LRMDA: variants seen among roughly 807,000 people sequenced by gnomAD.
LRMDA encodes leucine rich melanocyte differentiation associated, also known as leucine-rich melanocyte differentiation-associated protein.
In LRMDA, 18 loss-of-function variants were observed where a neutral mutation model predicts 29.8. The observed-to-expected ratio is 0.60, with a 90% CI of 0.42 to 0.90. LRMDA has a LOEUF of 0.90. Among genes scored for constraint, LRMDA ranks in the 40% least tolerant of loss-of-function variants. LRMDA has a pLI of 0.00. For synonymous variants in LRMDA, 125 were observed against 109.4 expected, an observed-to-expected ratio of 1.14 and a Z score of -0.89; for missense variants, 273 against 273.9, an observed-to-expected ratio of 1.00 and a Z score of 0.02.
rs555957939 is a variant in LRMDA, at chr10:75,831,459, C to T, written c.132-204549C>T. Among the ~76,000 whole-genome samples the T allele has an allele frequency of 3.9e-5, 6 of 152,340 alleles. No individual in the cohort carries two copies. In the East Asian group the frequency reaches 7.7e-4, roughly 20 times the overall value. On this transcript the variant is annotated intron_variant, in intron 2 of 6. Coordinates refer to ENST00000611255, the MANE Select transcript of LRMDA (RefSeq NM_001305581.2). ...CATGGTCTTGGGCAGCTCTGCCCCTCTGGCTTTGCAGGGTATAGCGCCGCT... is the reference window on the plus strand; with the variant it reads ...CATGGTCTTGGGCAGCTCTGCCCCTTTGGCTTTGCAGGGTATAGCGCCGCT...
chr10:76,163,430 G>A (rs1373040083), intron 5 of LRMDA, among the ~76,000 whole-genome samples: 1 of 152,060 alleles, frequency 6.6e-6, no homozygotes, highest in Non-Finnish European at 1.5e-5. Flanking sequence ...TGTATGTGTG[G>A]TAAATCAATG....
At chr10:75,676,651 C>A (rs1329151826) in intron 2 of LRMDA, among the ~76,000 whole-genome samples, 1 of 152,132 alleles carries the variant, frequency 6.6e-6, no homozygotes, top group African/African-American at 2.4e-5. Context: ...TGTGCATGGC[C>A]ACACTTCTGC....
At chr10:76,154,966 T>C (rs2132170112) in intron 5 of LRMDA, among the ~76,000 whole-genome samples, 1 of 152,242 alleles carries the variant, frequency 6.6e-6, no homozygotes, top group South Asian at 2.1e-4. Flanking sequence ...ATTGCCTGGA[T>C]GTTGTATAAG....
intron 6 of LRMDA, among the ~76,000 whole-genome samples, chr10:76,412,323 G>T (rs1027398415): frequency 6.6e-6 from 1 of 152,150 alleles, no homozygotes; most frequent in Non-Finnish European, 1.5e-5. Flanking sequence ...GGAGGGCTCT[G>T]CCTCCCCAAA....
intron 2 of LRMDA, among the ~76,000 whole-genome samples, chr10:75,917,630 C>T (rs1644134770): frequency 6.6e-6 from 1 of 152,138 alleles, no homozygotes; most frequent in South Asian, 2.1e-4. Flanking sequence ...ATCAGCTGTG[C>T]AGGGTGATAA....
chr10:76,167,131 C>T (rs746611813), intron 5 of LRMDA, among the ~76,000 whole-genome samples: 8 of 151,724 alleles, frequency 5.3e-5, no homozygotes, highest in Non-Finnish European at 8.8e-5. Flanking sequence ...GTCTGTGTTT[C>T]TTGCCCACTT....
At chr10:76,360,916 C>T (rs974773634) in intron 6 of LRMDA, among the ~76,000 whole-genome samples, 1 of 152,132 alleles carries the variant, frequency 6.6e-6, no homozygotes, top group Non-Finnish European at 1.5e-5. Context: ...TAATGTTTTA[C>T]AATCATTTTC....
In LRMDA at chr10:75,683,962, T is replaced by A. The variant is rs370546518; in HGVS notation, c.131+245468T>A. Among the ~76,000 whole-genome samples, 3 of 152,234 alleles carry A rather than the reference T, an allele frequency of 2.0e-5. No individual in the cohort carries two copies. The South Asian group carries it at 6.2e-4, about 32-fold the overall frequency. The stretch of plus-strand genomic sequence containing the variant: ...TCCTGCCCCACCAGAGTTTTATAGG[T>A]TTTTATGGATCTGATTCTTATCTGG... On this transcript the variant is annotated intron_variant, in intron 2 of 6. Transcript: ENST00000611255.
chr10:75,501,390 C>A (rs1845111772), intron 2 of LRMDA, among the ~76,000 whole-genome samples: 1 of 152,102 alleles, frequency 6.6e-6, no homozygotes, highest in Non-Finnish European at 1.5e-5. Flanking sequence ...TTAAATGATT[C>A]TTTTTCTTCT....
intron 6 of LRMDA, among the ~76,000 whole-genome samples, chr10:76,492,602 C>A (rs975596159): frequency 6.6e-6 from 1 of 151,974 alleles, no homozygotes; most frequent in Non-Finnish European, 1.5e-5. Flanking sequence ...TGGGTTAGAC[C>A]TTGTATTAAT....
chr10:76,431,575 G>T (rs1485800597), intron 6 of LRMDA, among the ~76,000 whole-genome samples: 2 of 152,186 alleles, frequency 1.3e-5, no homozygotes, highest in Non-Finnish European at 2.9e-5. Context: ...AGTTATAAAT[G>T]TAACATCCTC....
chr10:75,909,750 CAAGTT>C (rs1845814691), intron 2 of LRMDA, among the ~76,000 whole-genome samples: 1 of 152,064 alleles, frequency 6.6e-6, no homozygotes, highest in African/African-American at 2.4e-5. Flanking sequence ...GAGAATTAAA[CAAGTT>C]AATATACATA....
intron 2 of LRMDA, among the ~76,000 whole-genome samples, chr10:75,691,920 A>G (rs1485042759): frequency 6.6e-6 from 1 of 152,106 alleles, no homozygotes; most frequent in Non-Finnish European, 1.5e-5. Context: ...CATTCGAAAT[A>G]TGGCCAGGCA....
chr10:76,462,228 C>T (rs1386819721), intron 6 of LRMDA, among the ~76,000 whole-genome samples: 1 of 151,746 alleles, frequency 6.6e-6, no homozygotes, highest in Non-Finnish European at 1.5e-5. Flanking sequence ...GAGTCCCAGG[C>T]AATTTGTATA....
chr10:75,596,333 G>T (rs1840787691), intron 2 of LRMDA, among the ~76,000 whole-genome samples: 1 of 152,232 alleles, frequency 6.6e-6, no homozygotes, highest in East Asian at 1.9e-4. Flanking sequence ...CTGCTGAGGA[G>T]TGAAGGTGAC....
At chr10:76,480,002 AAGCTG>A (rs1842719692) in intron 6 of LRMDA, among the ~76,000 whole-genome samples, 1 of 151,966 alleles carries the variant, frequency 6.6e-6, no homozygotes, top group Non-Finnish European at 1.5e-5. Flanking sequence ...ATAACGTTCT[AAGCTG>A]AGCATTTTAC....
chr10:76,071,397 T>C (rs1848874180), intron 5 of LRMDA, among the ~76,000 whole-genome samples: 1 of 152,218 alleles, frequency 6.6e-6, no homozygotes, highest in African/African-American at 2.4e-5. Context: ...AAAGAGAGGT[T>C]CTAACTTCTG....
intron 3 of LRMDA, among the ~76,000 whole-genome samples, chr10:76,039,767 C>G (rs184234733): frequency 6.6e-6 from 1 of 152,286 alleles, no homozygotes. Context: ...ATGCTAGTAC[C>G]CATCCCATAG....
At chr10:75,628,868 TG>T (rs1841284802) in intron 2 of LRMDA, among the ~76,000 whole-genome samples, 1 of 152,210 alleles carries the variant, frequency 6.6e-6, no homozygotes, top group Non-Finnish European at 1.5e-5. Flanking sequence ...CTGGGGCACT[TG>T]CCTTTCACAC....
Sources: allele counts gnomAD v4.1 joint callset (sites outside exome capture counted in the v4.1 genomes callset), GRCh38; gene constraint gnomAD v4.1.1; transcripts MANE v1.5; gene names NCBI Gene and HGNC (gene_info 2026-07-23, HGNC 2026-07-21).